The following HDAC8 variants were observed in gnomAD, a reference collection of about 807,000 sequenced individuals.
HDAC8 encodes the protein histone deacetylase-like 1.
HDAC8 carries 1 observed loss-of-function variant against 32.2 expected under a neutral mutation model. The observed-to-expected ratio is 0.03, with a 90% confidence interval of 0.01 to 0.15. The LOEUF is 0.15. HDAC8 is among the 10% of genes least tolerant of loss of function. HDAC8 has a pLI of 1.00. For synonymous variants in HDAC8, 108 were observed against 113.9 expected, an observed-to-expected ratio of 0.95 and a Z score of 0.33; for missense variants, 117 against 300.0, an observed-to-expected ratio of 0.39 and a Z score of 4.51.
intron 4 of HDAC8, among the ~76,000 whole-genome samples, chrX:72,559,948 G>A (rs1443532242): frequency 9.3e-6 from 1 of 107,258 alleles, no homozygotes; most frequent in African/African-American, 3.4e-5. Context: ...GGAGGTGGAG[G>A]GCAGCCCCCG....
intron 9 of HDAC8, among the ~76,000 whole-genome samples, chrX:72,394,772 T>A (rs1555965100): frequency 8.9e-6 from 1 of 112,433 alleles, no homozygotes. Flanking sequence ...ATGCTTTCAC[T>A]ACAGATCAGT....
Position 72,544,879 on chromosome X carries a change from A to G in HDAC8, c.437+23010T>C, listed in dbSNP as rs140345974. ...TGGAAGAGGTGGAGGAGGAATCAAGATGCTGTCCAAAGTTTTTGTTTTGTA... is the reference window on the plus strand; with the variant it reads ...TGGAAGAGGTGGAGGAGGAATCAAGGTGCTGTCCAAAGTTTTTGTTTTGTA... On this transcript the variant is annotated intron_variant, in intron 4 of 10. Transcript: ENST00000373573. Among the ~76,000 whole-genome samples, 398 of 111,968 alleles carry G rather than the reference A, an allele frequency of 3.6e-3. 1 individual carries two copies. Among genetic ancestry groups the G allele is most frequent in the African/African-American group, 0.012 (377 of 30,855 alleles).
chrX:72,388,745 C>A (rs1454826995), intron 9 of HDAC8, among the ~76,000 whole-genome samples: 1 of 110,745 alleles, frequency 9.0e-6, no homozygotes, highest in African/African-American at 3.3e-5. Flanking sequence ...TAAATAAGGT[C>A]ATGGTGAAGG....
At chrX:72,334,988 A>G (rs1482490948) in intron 10 of HDAC8, among the ~76,000 whole-genome samples, 2 of 112,273 alleles carry the variant, frequency 1.8e-5, no homozygotes, top group African/African-American at 6.5e-5. Flanking sequence ...GGTGTTGATG[A>G]ACAATCTCTT....
chrX:72,549,482 C>T (rs2050990733), intron 4 of HDAC8, among the ~76,000 whole-genome samples: 1 of 111,655 alleles, frequency 9.0e-6, no homozygotes, highest in Non-Finnish European at 1.9e-5. Flanking sequence ...CATATATTAC[C>T]TGGGAGCTTG....
intron 4 of HDAC8, among the ~76,000 whole-genome samples, chrX:72,532,249 A>ATTTTTTTT (rs34829256): frequency 1.1e-4 from 6 of 54,191 alleles, no homozygotes; most frequent in Middle Eastern, 0.022. Flanking sequence ...CGTGTTGGGC[A>ATTTTTTTT]TTTTTTTTTT....
chrX:72,453,524 A>G lies in HDAC8; in HGVS notation c.1005+8480T>C, dbSNP rs149748683. Reference sequence around the variant, plus strand: ...AGAAAGAAAGAAAGAAAGAAAGAAAAAGAAAGAAAAAGTAAAAAGGTCACA... The same window carrying G: ...AGAAAGAAAGAAAGAAAGAAAGAAAGAGAAAGAAAAAGTAAAAAGGTCACA... On this transcript the variant is annotated intron_variant, in intron 9 of 10. Transcript: ENST00000373573. Among the ~76,000 whole-genome samples the G allele has an allele frequency of 3.2e-3, 323 of 99,688 alleles. 7 individuals are homozygous for G. Among genetic ancestry groups the G allele is most frequent in the African/African-American group, 9.1e-3 (252 of 27,570 alleles). The allele number at this position is 99,688 out of a possible 115,157, so 86.6% of individuals were successfully genotyped here. A position where few individuals can be genotyped will look rare whatever the true frequency, so the allele number is the denominator to read the frequency against.
chrX:72,388,262 T>G (rs1777785534), intron 9 of HDAC8, among the ~76,000 whole-genome samples: 1 of 110,188 alleles, frequency 9.1e-6, no homozygotes, highest in Non-Finnish European at 1.9e-5. Context: ...AAAGTTGAAC[T>G]GTTACAAAAT....
chrX:72,430,731 T>C (rs1309206498), intron 9 of HDAC8, among the ~76,000 whole-genome samples: 1 of 111,846 alleles, frequency 8.9e-6, no homozygotes, highest in African/African-American at 3.3e-5. Context: ...CAAAATAGAA[T>C]GTTTCATATT....
chrX:72,345,327 G>A (rs940025486), intron 10 of HDAC8, among the ~76,000 whole-genome samples: 4 of 111,384 alleles, frequency 3.6e-5, no homozygotes, highest in Non-Finnish European at 7.5e-5. Context: ...GATGGATGTT[G>A]AGTAGGTGTC....
chrX:72,558,618 C>A (rs1408630945), intron 4 of HDAC8, among the ~76,000 whole-genome samples: 1 of 111,529 alleles, frequency 9.0e-6, no homozygotes, highest in African/African-American at 3.3e-5. Context: ...CTACAACAAA[C>A]CCACGGCCAA....
At chrX:72,559,494 C>T (rs782264428) in intron 4 of HDAC8, among the ~76,000 whole-genome samples, 1 of 111,593 alleles carries the variant, frequency 9.0e-6, no homozygotes, top group Admixed American at 9.4e-5. Context: ...GCCGCCACCC[C>T]GTCTGGGAAG....
At chrX:72,338,317 A>G (rs1401779126) in intron 10 of HDAC8, among the ~76,000 whole-genome samples, 1 of 111,186 alleles carries the variant, frequency 9.0e-6, no homozygotes, top group Non-Finnish European at 1.9e-5. Flanking sequence ...CAGTTGATCA[A>G]GCACTTTCCC....
intron 9 of HDAC8, among the ~76,000 whole-genome samples, chrX:72,442,850 G>A (rs2147986544): frequency 9.0e-6 from 1 of 110,617 alleles, no homozygotes; most frequent in South Asian, 3.9e-4. Context: ...GATCTACCAA[G>A]CAAATGGAAA....
chrX:72,539,860 C>T (rs930345423), intron 4 of HDAC8, among the ~76,000 whole-genome samples: 1 of 112,135 alleles, frequency 8.9e-6, no homozygotes, highest in Admixed American at 9.4e-5. Flanking sequence ...CTTTCTTTCT[C>T]CTGAACAACC....
At chrX:72,345,979 G>A (rs1014888809) in intron 10 of HDAC8, among the ~76,000 whole-genome samples, 32 of 111,567 alleles carry the variant, frequency 2.9e-4, no homozygotes, top group Non-Finnish European at 6.0e-4. Context: ...CATGGCGCCC[G>A]GCCCAGAATT....
At chrX:72,487,517 T>C (rs1246797893) in intron 7 of HDAC8, among the ~76,000 whole-genome samples, 3 of 110,423 alleles carry the variant, frequency 2.7e-5, no homozygotes, top group Non-Finnish European at 3.8e-5. Flanking sequence ...CAGATAACCT[T>C]CAATAGGGGC....
At chrX:72,387,979 CAGATGACATGGGGA>C in intron 9 of HDAC8, among the ~76,000 whole-genome samples, 1 of 110,590 alleles carries the variant, frequency 9.0e-6, no homozygotes. Context: ...ACTTCACAGA[CAGATGACATGGGGA>C]TTGGAATTTG....
At chrX:72,449,885 C>G (rs1159105087) in intron 9 of HDAC8, among the ~76,000 whole-genome samples, 1 of 111,945 alleles carries the variant, frequency 8.9e-6, no homozygotes, top group Non-Finnish European at 1.9e-5. Flanking sequence ...AAACAACACA[C>G]CTATTCTTAC....
Sources: allele counts gnomAD v4.1 joint callset (sites outside exome capture counted in the v4.1 genomes callset), GRCh38; gene constraint gnomAD v4.1.1; transcripts MANE v1.5; gene names NCBI Gene and HGNC (gene_info 2026-07-23, HGNC 2026-07-21).